KSR2: variants seen among roughly 807,000 people sequenced by gnomAD.
KSR2 encodes the protein kinase suppressor of ras 2.
Under a neutral mutation model 107.8 loss-of-function variants are expected in KSR2, and 25 were observed. The observed-to-expected ratio is 0.23, with a 90% CI of 0.17 to 0.32. The LOEUF (loss-of-function observed/expected upper bound fraction) is 0.32. Among genes scored for constraint, KSR2 ranks in the 10% least tolerant of loss-of-function variants. The pLI, the probability that KSR2 is intolerant of heterozygous loss-of-function variation, is 1.00. For synonymous variants in KSR2, 480 were observed against 507.0 expected, an observed-to-expected ratio of 0.95 and a Z score of 0.71; for missense variants, 887 against 1,268.9, an observed-to-expected ratio of 0.70 and a Z score of 4.57.
chr12:117,690,292 G>A (rs1251189899), intron 4 of KSR2, among the ~76,000 whole-genome samples: 5 of 152,166 alleles, frequency 3.3e-5, no homozygotes, highest in East Asian at 1.9e-4. Flanking sequence ...GGCCGGGCAC[G>A]GTGGCTTACA....
chr12:117,742,135 C>A (rs1032767902), intron 4 of KSR2, among the ~76,000 whole-genome samples: 5 of 152,094 alleles, frequency 3.3e-5, no homozygotes, highest in African/African-American at 7.2e-5. Context: ...ATAAGGAAAT[C>A]TAATCTAATC....
At chr12:117,489,095 G>C (rs1341743756) in intron 14 of KSR2, among the ~76,000 whole-genome samples, 1 of 152,080 alleles carries the variant, frequency 6.6e-6, no homozygotes, top group Middle Eastern at 3.2e-3. Flanking sequence ...TATATAAAGT[G>C]CATAAGCAAA....
chr12:117,754,902 C>A (rs1158432426), intron 4 of KSR2, among the ~76,000 whole-genome samples: 2 of 152,212 alleles, frequency 1.3e-5, no homozygotes, highest in African/African-American at 4.8e-5. Flanking sequence ...GTTTTGAAAG[C>A]TTTGGAACCT....
At chr12:117,484,923 T>C (rs899732663) in intron 15 of KSR2, among the ~76,000 whole-genome samples, 1 of 152,234 alleles carries the variant, frequency 6.6e-6, no homozygotes, top group Non-Finnish European at 1.5e-5. Context: ...TCAGATCTAC[T>C]TAACCTATGC....
At chr12:117,629,398 G>GA (rs933743934) in intron 5 of KSR2, among the ~76,000 whole-genome samples, 26 of 151,756 alleles carry the variant, frequency 1.7e-4, no homozygotes, top group East Asian at 1.4e-3. Context: ...ATACATTACA[G>GA]AAAAAAAAGG....
Position 117,909,576 on chromosome 12 carries a change from A to G in KSR2, c.181-49145T>C, listed in dbSNP as rs141866487. On this transcript the variant is annotated intron_variant, in intron 1 of 19. Transcript: ENST00000339824. ...CCTGAATCCCATAGCACATTAAGTC[A>G]TATCTTTTTCCAATTCTTTTTCAAT... 1.6e-3 allele frequency among the ~76,000 whole-genome samples: 249 copies of G among 152,314 alleles called. 2 individuals are homozygous for G. The highest frequency in any genetic ancestry group is 5.7e-3 in the African/African-American group (239 of 41,572).
chr12:117,880,201 A>G (rs1414607307), intron 1 of KSR2, among the ~76,000 whole-genome samples: 1 of 152,238 alleles, frequency 6.6e-6, no homozygotes, highest in Non-Finnish European at 1.5e-5. Flanking sequence ...ATACTGTGTG[A>G]AAGCATAGGA....
intron 4 of KSR2, among the ~76,000 whole-genome samples, chr12:117,704,380 T>A (rs1886439646): frequency 6.6e-6 from 1 of 152,178 alleles, no homozygotes; most frequent in Non-Finnish European, 1.5e-5. Flanking sequence ...TCTCAGAGCT[T>A]ACTTCTACAG....
chr12:117,524,766 T>C, intron 14 of KSR2, 86 bp downstream of exon 14: 15 of 1,463,136 alleles, frequency 1.0e-5, no homozygotes, highest in African/African-American at 1.4e-5. Context: ...TTAACCAGAG[T>C]GGTCAAGTAA....
intron 9 of KSR2, among the ~76,000 whole-genome samples, chr12:117,551,845 T>C (rs1877334413): frequency 6.6e-6 from 1 of 152,196 alleles, no homozygotes; most frequent in Non-Finnish European, 1.5e-5. Context: ...ATTTCCCTTA[T>C]CAAATTCTCC....
intron 4 of KSR2, among the ~76,000 whole-genome samples, chr12:117,752,207 T>G (rs1402993992): frequency 6.6e-6 from 1 of 152,224 alleles, no homozygotes; most frequent in East Asian, 1.9e-4. Flanking sequence ...ACACGGCTCT[T>G]ATCCAGCCTG....
At position 117,968,595 on chromosome 12, in the gene KSR2, GGAAAAAGAA is replaced by G; in HGVS notation, c.-349_-341del. 1 of 560,032 alleles carries G rather than the reference GGAAAAAGAA, an allele frequency of 1.8e-6. No homozygotes were observed. The highest frequency in any genetic ancestry group is 2.4e-6 in the Non-Finnish European group (1 of 412,436). The allele number at this position is 560,032 out of a possible 1,614,324, so 34.7% of individuals were successfully genotyped here. Reference sequence around the variant, plus strand: ...GTACACTTAGGGAGGAGGAGGAGGAGGAAAAAGAAGAGGAGAAGGAGGAGAGAGAGGAGG... The same window carrying G: ...GTACACTTAGGGAGGAGGAGGAGGAGGAGGAGAAGGAGGAGAGAGAGGAGG... On this transcript the variant is annotated 5_prime_UTR_variant, in exon 1 of 20. Coordinates refer to ENST00000339824, the MANE Select transcript of KSR2 (RefSeq NM_173598.6).
At chr12:117,755,299 T>C (rs1888748771) in intron 4 of KSR2, among the ~76,000 whole-genome samples, 1 of 152,230 alleles carries the variant, frequency 6.6e-6, no homozygotes. Context: ...TTTTACAAAT[T>C]GAAGGTTTGT....
intron 1 of KSR2, among the ~76,000 whole-genome samples, chr12:117,922,457 C>A (rs151209826): frequency 2.0e-4 from 30 of 152,218 alleles, no homozygotes; most frequent in African/African-American, 7.2e-4. Context: ...AAATCTGGGT[C>A]GATCACATGG....
rs397838492 is a variant in KSR2 at position 117,866,038 on chromosome 12, C to CTTTTTTTTTT, written c.181-5617_181-5608dup. ...CTCTGTAACACTTGCTAATCTCTCTCTTTTTTTTTTTTTTTTGAAACAAAT... is the reference window on the plus strand; with the variant it reads ...CTCTGTAACACTTGCTAATCTCTCTCTTTTTTTTTTTTTTTTTTTTTTTTTTGAAACAAAT... On this transcript the variant is annotated intron_variant, in intron 1 of 19. Coordinates refer to ENST00000339824, the MANE Select transcript of KSR2 (RefSeq NM_173598.6). Among the ~76,000 whole-genome samples, 164 of 124,212 alleles carry CTTTTTTTTTT rather than the reference C, an allele frequency of 1.3e-3. 3 individuals carry two copies. The highest frequency in any genetic ancestry group is 4.2e-3 in the African/African-American group (140 of 33,636). The allele number at this position is 124,212 out of a possible 152,430, so 81.5% of individuals were successfully genotyped here.
intron 3 of KSR2, among the ~76,000 whole-genome samples, chr12:117,848,876 G>A (rs938502021): frequency 5.3e-5 from 6 of 112,394 alleles, no homozygotes; most frequent in Admixed American, 4.7e-4. Flanking sequence ...TGATGACGGT[G>A]CTAACAATAG....
At chr12:117,575,674 T>C (rs540972710) in intron 7 of KSR2, among the ~76,000 whole-genome samples, 48 of 152,336 alleles carry the variant, frequency 3.2e-4, no homozygotes, top group African/African-American at 1.2e-3. Context: ...AATTCTGTTG[T>C]AGTTTCTGCA....
intron 1 of KSR2, among the ~76,000 whole-genome samples, chr12:117,875,272 C>G (rs1005656728): frequency 6.6e-6 from 1 of 151,958 alleles, no homozygotes; most frequent in African/African-American, 2.4e-5. Context: ...ACCCAGAGAC[C>G]TCCGGGAACG....
chr12:117,835,444 T>C (rs1300076827), intron 3 of KSR2, among the ~76,000 whole-genome samples: 3 of 152,178 alleles, frequency 2.0e-5, no homozygotes, highest in Non-Finnish European at 4.4e-5. Flanking sequence ...AACTCAGTTA[T>C]GGTTTTCTGT....
Sources: gnomAD v4.1 joint callset for allele counts (sites outside exome capture counted in the v4.1 genomes callset) on GRCh38, gnomAD v4.1.1 for gene constraint, MANE v1.5 for transcripts, NCBI Gene and HGNC (gene_info 2026-07-23, HGNC 2026-07-21) for gene names.